PPP2R5E: variants seen among roughly 807,000 people sequenced by gnomAD.
PPP2R5E encodes serine/threonine-protein phosphatase 2A 56 kDa regulatory subunit epsilon isoform.
A neutral mutation model predicts 65.3 loss-of-function variants in PPP2R5E; 4 were observed. The observed-to-expected ratio is 0.06, with a 90% CI of 0.03 to 0.14. The LOEUF is 0.14. Among genes scored for constraint, PPP2R5E ranks in the 10% least tolerant of loss-of-function variants. PPP2R5E has a pLI of 1.00. For missense variants in PPP2R5E, 274 were observed against 556.1 expected, an observed-to-expected ratio of 0.49 and a Z score of 5.10; for synonymous variants, 183 against 187.4, an observed-to-expected ratio of 0.98 and a Z score of 0.19.
intron 2 of PPP2R5E, among the ~76,000 whole-genome samples, chr14:63,532,620 A>G (rs988294360): frequency 6.6e-6 from 1 of 152,206 alleles, no homozygotes; most frequent in African/African-American, 2.4e-5. Flanking sequence ...AACAACAGCT[A>G]GTATTTACTG....
chr14:63,483,335 A>G (rs927271159), intron 2 of PPP2R5E, among the ~76,000 whole-genome samples: 2 of 152,166 alleles, frequency 1.3e-5, no homozygotes, highest in African/African-American at 2.4e-5. Context: ...TAAGTACTAT[A>G]GGAGATTAAG....
intron 5 of PPP2R5E, among the ~76,000 whole-genome samples, chr14:63,402,597 G>A (rs982103391): frequency 4.6e-5 from 7 of 152,106 alleles, no homozygotes; most frequent in Admixed American, 2.0e-4. Context: ...TATTATTCAG[G>A]TGGATATTCA....
chr14:63,467,303 A>T (rs1236839336), intron 2 of PPP2R5E, among the ~76,000 whole-genome samples: 1 of 152,064 alleles, frequency 6.6e-6, no homozygotes, highest in Non-Finnish European at 1.5e-5. Context: ...GCCACAAAAC[A>T]TCCGTCTCCA....
intron 2 of PPP2R5E, among the ~76,000 whole-genome samples, chr14:63,497,298 G>A (rs1566744443): frequency 6.6e-6 from 1 of 152,010 alleles, no homozygotes; most frequent in Non-Finnish European, 1.5e-5. Flanking sequence ...TAAGAACCCT[G>A]GATCTGAAGA....
intron 2 of PPP2R5E, among the ~76,000 whole-genome samples, chr14:63,490,001 A>T (rs1218491595): frequency 2.0e-5 from 3 of 152,150 alleles, no homozygotes; most frequent in African/African-American, 7.2e-5. Context: ...GCAACTATAA[A>T]CATATTTTTT....
chr14:63,395,403 G>A (rs150476178), intron 6 of PPP2R5E, 118 bp from the exon 7 acceptor site: 3,903 of 353,376 alleles, frequency 0.011, 38 homozygotes, highest in Non-Finnish European at 0.013. Context: ...GGAGGAGGAG[G>A]AGAGCGGGGA....
chr14:63,378,237 T>C (rs1019726421), intron 13 of PPP2R5E, among the ~76,000 whole-genome samples: 8 of 152,226 alleles, frequency 5.3e-5, no homozygotes, highest in Non-Finnish European at 1.2e-4. Flanking sequence ...AAGCAAGGGC[T>C]TGGAATTTTA....
chr14:63,542,809 G>T lies in PPP2R5E; in HGVS notation c.-38C>A. 6.5e-6 allele frequency: 1 copy of T among 153,622 alleles called. No homozygotes were observed. The highest frequency in any genetic ancestry group is 2.0e-4 in the South Asian group (1 of 4,968). The allele number at this position is 153,622 out of a possible 1,614,324, so 9.5% of individuals were successfully genotyped here. A position where few individuals can be genotyped will look rare whatever the true frequency, so the allele number is the denominator to read the frequency against. On this transcript the variant is annotated 5_prime_UTR_variant, in exon 1 of 14. Coordinates refer to ENST00000337537, the MANE Select transcript of PPP2R5E (RefSeq NM_006246.5). ...AGCTTCTGGGGAAGAATCCAAAGAT[G>T]ATCTGTGGCTTGGAGGGGCGGGAGA...
Position 63,373,724 on chromosome 14 carries a change from A to G in PPP2R5E, c.*2285T>C, listed in dbSNP as rs984924745. 37 of 152,338 alleles carry G rather than the reference A, an allele frequency of 2.4e-4. No homozygotes were observed. The highest frequency in any genetic ancestry group is 8.4e-4 in the African/African-American group (35 of 41,588). The allele number at this position is 152,338 out of a possible 1,614,324, so 9.4% of individuals were successfully genotyped here. A position where few individuals can be genotyped will look rare whatever the true frequency, so the allele number is the denominator to read the frequency against. On this transcript the variant is annotated 3_prime_UTR_variant, in exon 14 of 14. Transcript: ENST00000337537. ...AAAGGATCCTGGCCTTTCTCATTTC[A>G]AATGACTGCATTTCATTCCAATGAG...
At chr14:63,413,320 A>G (rs7140704) in intron 5 of PPP2R5E, among the ~76,000 whole-genome samples, 23,860 of 152,208 alleles carry the variant, frequency 0.16, 2,023 homozygotes, top group African/African-American at 0.19. Flanking sequence ...ATAGAGAATT[A>G]CTATCTGATC....
At chr14:63,392,678 C>T (rs1885093507) in intron 8 of PPP2R5E, among the ~76,000 whole-genome samples, 1 of 152,220 alleles carries the variant, frequency 6.6e-6, no homozygotes, top group African/African-American at 2.4e-5. Flanking sequence ...GACAAGAAAA[C>T]CACCCTCGCA....
chr14:63,431,330 G>T (rs1887659584), intron 3 of PPP2R5E, among the ~76,000 whole-genome samples: 1 of 151,368 alleles, frequency 6.6e-6, no homozygotes, highest in Admixed American at 6.6e-5. Flanking sequence ...ATTTAAGTCA[G>T]TTTGACAATT....
intron 5 of PPP2R5E, among the ~76,000 whole-genome samples, chr14:63,410,692 G>A (rs1886346356): frequency 6.6e-6 from 1 of 152,216 alleles, no homozygotes; most frequent in Non-Finnish European, 1.5e-5. Context: ...CCAACTTACA[G>A]ATTACCAACA....
At chr14:63,473,899 G>T (rs1324727998) in intron 2 of PPP2R5E, among the ~76,000 whole-genome samples, 2 of 152,164 alleles carry the variant, frequency 1.3e-5, no homozygotes, top group East Asian at 3.8e-4. Flanking sequence ...TAAAGAGAAG[G>T]AACCTGGATT....
chr14:63,520,884 A>AC (rs1892878801), intron 2 of PPP2R5E, among the ~76,000 whole-genome samples: 1 of 141,866 alleles, frequency 7.0e-6, no homozygotes, highest in Admixed American at 6.9e-5. Flanking sequence ...AAAAAAAAAA[A>AC]AACAATTAGC....
At chr14:63,472,874 C>A (rs1890200080) in intron 2 of PPP2R5E, among the ~76,000 whole-genome samples, 1 of 152,162 alleles carries the variant, frequency 6.6e-6, no homozygotes. Context: ...GCTGACAACA[C>A]AGAAATGTGG....
chr14:63,521,149 C>G (rs1221002823), intron 2 of PPP2R5E, among the ~76,000 whole-genome samples: 2 of 152,148 alleles, frequency 1.3e-5, no homozygotes, highest in Non-Finnish European at 2.9e-5. Context: ...GTATCTAAAG[C>G]ATATACCATT....
At chr14:63,446,427 T>C (rs916627164) in intron 3 of PPP2R5E, among the ~76,000 whole-genome samples, 1 of 152,224 alleles carries the variant, frequency 6.6e-6, no homozygotes, top group African/African-American at 2.4e-5. Context: ...AATTACTATC[T>C]ATGGCAGCTA....
chr14:63,439,715 C>T (rs1241106462), intron 3 of PPP2R5E, among the ~76,000 whole-genome samples: 1 of 152,134 alleles, frequency 6.6e-6, no homozygotes, highest in East Asian at 1.9e-4. Flanking sequence ...CCAGGAAGGA[C>T]AGTAAAAAGG....
Sources: allele counts gnomAD v4.1 joint callset (sites outside exome capture counted in the v4.1 genomes callset), GRCh38; gene constraint gnomAD v4.1.1; transcripts MANE v1.5; gene names NCBI Gene and HGNC (gene_info 2026-07-23, HGNC 2026-07-21).